KIF13A: variants seen among roughly 807,000 people sequenced by gnomAD.
The protein encoded by KIF13A is kinesin-like protein KIF13A.
A neutral mutation model predicts 212.2 loss-of-function variants in KIF13A; 79 were observed. The ratio of observed to expected loss-of-function variants is 0.37; its 90% confidence interval spans 0.31 to 0.45. The LOEUF (loss-of-function observed/expected upper bound fraction) is 0.45, where lower values mean the gene tolerates loss of function less well. KIF13A is among the 20% of genes least tolerant of loss of function. KIF13A has a pLI of 1.00. For missense variants in KIF13A, 1,901 were observed against 2,209.0 expected (o/e 0.86, Z 2.79); for synonymous variants, 789 against 808.6 (o/e 0.98, Z 0.41).
rs749829745 is a variant in KIF13A, at chr6:17,783,742, T to C, written c.3489-41A>G. 2.3e-6 allele frequency: 3 copies of C among 1,300,642 alleles called. No individual in the cohort carries two copies. The highest frequency in any genetic ancestry group is 1.3e-5 in the South Asian group (1 of 78,994). 80.6% of individuals were successfully genotyped at this position (1,300,642 alleles called of 1,614,324 possible). A position where few individuals can be genotyped will look rare whatever the true frequency, so the allele number is the denominator to read the frequency against. On this transcript the variant is annotated intron_variant, in intron 28 of 38. Transcript: ENST00000259711. The surrounding 1 kb of genome is among the most constrained non-coding windows in gnomAD (Gnocchi z 4.3). The stretch of plus-strand genomic sequence containing the variant: ...ACATTTAATCATAACAAAATATGTA[T>C]TTTACATCTTGTTAGCTGATAAAAC...
At chr6:17,793,745 C>G (rs1175671050) in intron 25 of KIF13A, among the ~76,000 whole-genome samples, 2 of 150,216 alleles carry the variant, frequency 1.3e-5, no homozygotes, top group Non-Finnish European at 1.5e-5. Flanking sequence ...ACATGCCCTT[C>G]TCTACAAAAA....
Position 17,785,384 on chromosome 6 carries a change from G to C in KIF13A, c.3488+131C>G, listed in dbSNP as rs1760962321. 9.8e-7 allele frequency: 1 copy of C among 1,025,464 alleles called. No individual in the cohort carries two copies. The highest frequency in any genetic ancestry group is 3.5e-5 in the Admixed American group (1 of 28,648). 63.5% of individuals were successfully genotyped at this position (1,025,464 alleles called of 1,614,324 possible). A position where few individuals can be genotyped will look rare whatever the true frequency, so the allele number is the denominator to read the frequency against. ...AAAGGGATGGAAGCATTAGAGATGAGTGGACATTCCCTAAGTAGTTCAGCT... is the reference window on the plus strand; with the variant it reads ...AAAGGGATGGAAGCATTAGAGATGACTGGACATTCCCTAAGTAGTTCAGCT... On this transcript the variant is annotated intron_variant, in intron 28 of 38. Coordinates refer to ENST00000259711, the MANE Select transcript of KIF13A (RefSeq NM_022113.6). The surrounding 1 kb of genome is among the most constrained non-coding windows in gnomAD (Gnocchi z 5.8).
chr6:17,937,314 TG>T (rs1320105235), intron 2 of KIF13A, among the ~76,000 whole-genome samples: 1 of 152,238 alleles, frequency 6.6e-6, no homozygotes, highest in Non-Finnish European at 1.5e-5. Context: ...TATTGCTAGT[TG>T]GTCCTAAATT....
intron 4 of KIF13A, among the ~76,000 whole-genome samples, chr6:17,869,410 G>T (rs1444816995): frequency 3.9e-5 from 6 of 152,126 alleles, no homozygotes; most frequent in Non-Finnish European, 8.8e-5. Context: ...GGTACTTACT[G>T]GATTAAGCAC....
At chr6:17,965,408 A>T (rs1779217150) in intron 2 of KIF13A, among the ~76,000 whole-genome samples, 1 of 152,220 alleles carries the variant, frequency 6.6e-6, no homozygotes, top group Admixed American at 6.5e-5. Flanking sequence ...CTTTTGTTGT[A>T]TATGATTCAA....
intron 25 of KIF13A, 95 bp from the exon 26 acceptor site, chr6:17,790,005 G>A: frequency 2.1e-6 from 2 of 937,380 alleles, no homozygotes; most frequent in South Asian, 3.0e-5. Context: ...CATTAAAATG[G>A]ACAGCTTACC....
intron 2 of KIF13A, among the ~76,000 whole-genome samples, chr6:17,954,510 T>C (rs1414598082): frequency 6.6e-6 from 1 of 152,162 alleles, no homozygotes; most frequent in Non-Finnish European, 1.5e-5. Flanking sequence ...CACAGCATAA[T>C]TTAAAATATA....
chr6:17,794,796 T>A lies in KIF13A; in HGVS notation c.2943-92A>T. On this transcript the variant is annotated intron_variant, in intron 23 of 38. Transcript: ENST00000259711. The surrounding 1 kb of genome is among the most constrained non-coding windows in gnomAD (Gnocchi z 4.1). ...GCCACCATTCACTGAGCACTTACTA[T>A]GTGCTAGGCACTGTGCCATTTATCT... 26 of 1,301,574 alleles carry A rather than the reference T, an allele frequency of 2.0e-5. No individual in the cohort carries two copies. The highest frequency in any genetic ancestry group is 2.6e-5 in the Non-Finnish European group (25 of 945,198). 80.6% of individuals were successfully genotyped at this position (1,301,574 alleles called of 1,614,324 possible).
intron 20 of KIF13A, among the ~76,000 whole-genome samples, chr6:17,803,843 TATA>T (rs1762690535): frequency 6.6e-6 from 1 of 152,056 alleles, no homozygotes; most frequent in Non-Finnish European, 1.5e-5. Context: ...TATTAAATGT[TATA>T]ATAATCTTTT....
intron 9 of KIF13A, among the ~76,000 whole-genome samples, chr6:17,840,139 T>C (rs558247958): frequency 6.6e-6 from 1 of 152,262 alleles, no homozygotes; most frequent in Non-Finnish European, 1.5e-5. Flanking sequence ...GAAAATGTTT[T>C]AAAATGAGAC....
intron 34 of KIF13A, among the ~76,000 whole-genome samples, chr6:17,775,767 G>A (rs1005707275): frequency 5.3e-5 from 8 of 152,050 alleles, no homozygotes; most frequent in Non-Finnish European, 1.0e-4. Context: ...GCCCAGGCTG[G>A]TCTCAAATTC....
intron 12 of KIF13A, among the ~76,000 whole-genome samples, chr6:17,832,652 T>G (rs527804156): frequency 6.7e-6 from 1 of 149,254 alleles, no homozygotes; most frequent in Non-Finnish European, 1.5e-5. Context: ...AAAAATTAAA[T>G]AAATAAAAAT....
At chr6:17,894,097 C>G (rs184975007) in intron 3 of KIF13A, among the ~76,000 whole-genome samples, 7 of 151,016 alleles carry the variant, frequency 4.6e-5, no homozygotes, top group Non-Finnish European at 8.8e-5. Context: ...CTTGGCTTCC[C>G]AAAGTGCTGG....
intron 12 of KIF13A, among the ~76,000 whole-genome samples, chr6:17,833,132 T>C (rs1765606526): frequency 6.6e-6 from 1 of 151,486 alleles, no homozygotes; most frequent in Non-Finnish European, 1.5e-5. Context: ...TAGTGCTATC[T>C]AACACGTCTA....
In KIF13A at chr6:17,971,009, T is replaced by C. The variant is rs1362812838; in HGVS notation, c.146+16045A>G. 6.6e-6 allele frequency among the ~76,000 whole-genome samples: 1 copy of C among 152,244 alleles called. No homozygotes were observed. The highest frequency in any genetic ancestry group is 1.5e-5 in the Non-Finnish European group (1 of 68,048). The stretch of plus-strand genomic sequence containing the variant: ...AATTTTATTTCGGCTTTTAAAAAGA[T>C]TGGTGAGGTTATTTCAATACATCAA... On this transcript the variant is annotated intron_variant, in intron 2 of 38. Transcript: ENST00000259711. The surrounding 1 kb of genome is among the most constrained non-coding windows in gnomAD (Gnocchi z 4.2).
intron 2 of KIF13A, among the ~76,000 whole-genome samples, chr6:17,972,543 T>C (rs1366954179): frequency 6.6e-6 from 1 of 152,318 alleles, no homozygotes; most frequent in Non-Finnish European, 1.5e-5. Context: ...GTTTAAAGGC[T>C]TGTTAATCTG....
At chr6:17,798,167 C>G (rs1172655043) in intron 22 of KIF13A, among the ~76,000 whole-genome samples, 2 of 152,002 alleles carry the variant, frequency 1.3e-5, no homozygotes, top group African/African-American at 2.4e-5. Flanking sequence ...GAAAAAGAAA[C>G]TTCATGACAA....
At chr6:17,929,469 T>TGGCTCACTG (rs950751057) in intron 2 of KIF13A, among the ~76,000 whole-genome samples, 1 of 151,730 alleles carries the variant, frequency 6.6e-6, no homozygotes, top group Non-Finnish European at 1.5e-5. Context: ...GGCACGATCT[T>TGGCTCACTG]GGCTCACTGC....
Position 17,984,449 on chromosome 6 carries a change from A to G in KIF13A, c.146+2605T>C. On this transcript the variant is annotated intron_variant, in intron 2 of 38. Transcript: ENST00000259711. The surrounding 1 kb of genome is among the most constrained non-coding windows in gnomAD (Gnocchi z 5.0). ...TCAACTACTAACCTGGACCTATGCAATGTATTACAATACTAGAATTTCAGC... is the reference window on the plus strand; with the variant it reads ...TCAACTACTAACCTGGACCTATGCAGTGTATTACAATACTAGAATTTCAGC... The G allele has an allele frequency of 1.2e-6, 1 of 834,992 alleles. No individual in the cohort carries two copies. 51.7% of individuals were successfully genotyped at this position (834,992 alleles called of 1,614,324 possible).
Sources: allele counts gnomAD v4.1 joint callset (sites outside exome capture counted in the v4.1 genomes callset), GRCh38; gene constraint gnomAD v4.1.1; non-coding constraint Gnocchi (gnomAD v3.1); transcripts MANE v1.5; gene names NCBI Gene and HGNC (gene_info 2026-07-23, HGNC 2026-07-21).